The following NCKAP5 variants were observed in gnomAD, a reference collection of about 807,000 sequenced individuals.
NCKAP5 encodes nck-associated protein 5.
Under a neutral mutation model 167.0 loss-of-function variants are expected in NCKAP5, and 92 were observed. That is an observed-to-expected ratio of 0.55 (90% CI 0.47 to 0.66). NCKAP5 has a LOEUF of 0.66. Ranked by LOEUF, NCKAP5 falls within the 30% of genes least tolerant of loss-of-function variation. The pLI is 0.00. For missense variants in NCKAP5, 2,378 were observed against 2,315.0 expected (o/e 1.03, Z -0.56); for synonymous variants, 891 against 877.4 (o/e 1.02, Z -0.27).
the NCKAP5 span, among the ~76,000 whole-genome samples, chr2:133,628,839 T>C: frequency 5.3e-5 from 8 of 152,228 alleles, no homozygotes; most frequent in Middle Eastern, 3.4e-3. Context: ...ACCACACATA[T>C]ACAACCATCA....
intron 16 of NCKAP5, among the ~76,000 whole-genome samples, chr2:132,762,874 G>A (rs1024614539): frequency 6.6e-6 from 1 of 152,140 alleles, no homozygotes; most frequent in Non-Finnish European, 1.5e-5. Context: ...AAACCACTGG[G>A]GACTTTCACT....
intron 3 of NCKAP5, among the ~76,000 whole-genome samples, chr2:133,484,075 C>A (rs1329006581): frequency 6.6e-6 from 1 of 152,146 alleles, no homozygotes; most frequent in African/African-American, 2.4e-5. Flanking sequence ...TGAAAAAGCT[C>A]TTTGAAAAGC....
intron 3 of NCKAP5, among the ~76,000 whole-genome samples, chr2:133,482,387 T>G (rs1680536114): frequency 6.6e-6 from 1 of 152,016 alleles, no homozygotes; most frequent in Non-Finnish European, 1.5e-5. Context: ...CCAGCTAATT[T>G]TTTATATTTT....
chr2:133,620,091 T>C, the NCKAP5 span, among the ~76,000 whole-genome samples: 1 of 151,912 alleles, frequency 6.6e-6, no homozygotes, highest in Non-Finnish European at 1.5e-5. Flanking sequence ...AAAGGAGATG[T>C]AACTCTTGAA....
chr2:133,510,097 T>G (rs919121750), intron 3 of NCKAP5, among the ~76,000 whole-genome samples: 5 of 152,166 alleles, frequency 3.3e-5, no homozygotes, highest in African/African-American at 9.7e-5. Context: ...GGCAGACAAA[T>G]GGCATTTCTT....
At chr2:133,320,607 A>G (rs1309271062) in intron 3 of NCKAP5, among the ~76,000 whole-genome samples, 1 of 152,122 alleles carries the variant, frequency 6.6e-6, no homozygotes, top group Non-Finnish European at 1.5e-5. Flanking sequence ...GGGCACCCGT[A>G]GTCCCAGCTA....
chr2:133,538,919 T>G (rs1685973040), intron 2 of NCKAP5, among the ~76,000 whole-genome samples: 1 of 139,240 alleles, frequency 7.2e-6, no homozygotes, highest in Non-Finnish European at 1.5e-5. Context: ...TTTTTTTTTG[T>G]GGTTTTTTTG....
intron 8 of NCKAP5, among the ~76,000 whole-genome samples, chr2:132,888,497 C>T (rs1315580516): frequency 6.6e-6 from 1 of 152,128 alleles, no homozygotes; most frequent in Non-Finnish European, 1.5e-5. Flanking sequence ...CAAGCAATTT[C>T]TCCCACCTCA....
chr2:133,470,595 T>A (rs972204644), intron 3 of NCKAP5, among the ~76,000 whole-genome samples: 1 of 151,888 alleles, frequency 6.6e-6, no homozygotes, highest in Non-Finnish European at 1.5e-5. Context: ...CAATGGCGGG[T>A]GCCCCTCCCC....
intron 6 of NCKAP5, among the ~76,000 whole-genome samples, chr2:132,994,635 A>G (rs2077540080): frequency 2.0e-5 from 3 of 152,246 alleles, no homozygotes; most frequent in African/African-American, 7.2e-5. Context: ...CACTCTTCCC[A>G]TTAATCTACT....
intron 3 of NCKAP5, among the ~76,000 whole-genome samples, chr2:133,412,171 C>T (rs536981977): frequency 3.3e-5 from 5 of 152,192 alleles, no homozygotes; most frequent in South Asian, 4.1e-4. Flanking sequence ...GATTAGCTCG[C>T]GAGGATAGAG....
chr2:132,926,785 G>A (rs1695932879), intron 8 of NCKAP5, among the ~76,000 whole-genome samples: 1 of 151,936 alleles, frequency 6.6e-6, no homozygotes, highest in Non-Finnish European at 1.5e-5. Flanking sequence ...ATTCCATGTC[G>A]TAGTCACAAT....
chr2:132,947,445 A>C (rs576962375), intron 8 of NCKAP5, among the ~76,000 whole-genome samples: 1 of 152,282 alleles, frequency 6.6e-6, no homozygotes, highest in East Asian at 1.9e-4. Flanking sequence ...ATTAATAATA[A>C]AGTGTAATTT....
At chr2:132,914,565 T>C (rs761876588) in intron 8 of NCKAP5, among the ~76,000 whole-genome samples, 4 of 151,890 alleles carry the variant, frequency 2.6e-5, no homozygotes, top group African/African-American at 9.7e-5. Flanking sequence ...AACTGCAATA[T>C]AGACTCTCTG....
intron 3 of NCKAP5, among the ~76,000 whole-genome samples, chr2:133,499,475 C>G (rs1235041322): frequency 6.6e-6 from 1 of 152,194 alleles, no homozygotes; most frequent in Non-Finnish European, 1.5e-5. Flanking sequence ...TTCTTGCCAC[C>G]TCATCAGCGG....
At chr2:132,833,670 G>GTAAA (rs1687680033) in intron 11 of NCKAP5, among the ~76,000 whole-genome samples, 1 of 152,248 alleles carries the variant, frequency 6.6e-6, no homozygotes, top group Admixed American at 6.5e-5. Flanking sequence ...TCTGTTGGCT[G>GTAAA]TAAATAATGT....
chr2:133,310,551 G>A (rs1255744548), intron 3 of NCKAP5, among the ~76,000 whole-genome samples: 1 of 152,210 alleles, frequency 6.6e-6, no homozygotes, highest in Admixed American at 6.5e-5. Flanking sequence ...CTCTGAAAGT[G>A]TCTCCCCGTA....
chr2:133,312,217 T>C (rs973289905), intron 3 of NCKAP5, among the ~76,000 whole-genome samples: 1 of 152,206 alleles, frequency 6.6e-6, no homozygotes, highest in Non-Finnish European at 1.5e-5. Flanking sequence ...TTTAGACAGA[T>C]AGCACATGAG....
chr2:132,909,536 T>C (rs1694276657), intron 8 of NCKAP5, among the ~76,000 whole-genome samples: 1 of 152,186 alleles, frequency 6.6e-6, no homozygotes, highest in Non-Finnish European at 1.5e-5. Context: ...TTCCATTTCC[T>C]CAGAGATTAT....
Sources: allele counts gnomAD v4.1 joint callset (sites outside exome capture counted in the v4.1 genomes callset), GRCh38; gene constraint gnomAD v4.1.1; transcripts MANE v1.5; gene names NCBI Gene and HGNC (gene_info 2026-07-23, HGNC 2026-07-21).